DLG2: variants seen among roughly 807,000 people sequenced by gnomAD.
The protein encoded by DLG2 is discs large MAGUK scaffold protein 2.
In DLG2, 45 loss-of-function variants were observed where a neutral mutation model predicts 132.5. That is an observed-to-expected ratio of 0.34 (90% CI 0.27 to 0.44). DLG2 has a LOEUF of 0.44. Among genes scored for constraint, DLG2 ranks in the 20% least tolerant of loss-of-function variants. The probability of loss-of-function intolerance (pLI) is 1.00; values close to 1 mark genes in which losing one functional copy is unlikely to be tolerated. For synonymous variants in DLG2, 424 were observed against 419.6 expected, an observed-to-expected ratio of 1.01 and a Z score of -0.13; for missense variants, 1,045 against 1,196.9, an observed-to-expected ratio of 0.87 and a Z score of 1.87.
intron 6 of DLG2, among the ~76,000 whole-genome samples, chr11:85,015,872 T>G (rs2059536752): frequency 2.0e-5 from 3 of 152,166 alleles, no homozygotes; most frequent in Admixed American, 2.0e-4. Context: ...TGGTAACTTA[T>G]CTCATAGAAA....
intron 6 of DLG2, among the ~76,000 whole-genome samples, chr11:85,097,422 T>C (rs2070045298): frequency 6.6e-6 from 1 of 152,136 alleles, no homozygotes; most frequent in Non-Finnish European, 1.5e-5. Flanking sequence ...CTCAGTACCA[T>C]GCCTGGGACA....
chr11:83,984,943 C>T (rs957478290), intron 11 of DLG2, among the ~76,000 whole-genome samples: 1 of 152,104 alleles, frequency 6.6e-6, no homozygotes, highest in Non-Finnish European at 1.5e-5. Context: ...TTTTATCTAA[C>T]TGTATTTTTT....
chr11:84,556,043 C>T (rs1307099350), intron 6 of DLG2, among the ~76,000 whole-genome samples: 3 of 152,100 alleles, frequency 2.0e-5, no homozygotes, highest in Non-Finnish European at 4.4e-5. Flanking sequence ...TTTCTTTTGC[C>T]CACCCACACA....
In DLG2 at chr11:83,884,318, C is replaced by T. The variant is rs192980866; in HGVS notation, c.1497-9830G>A. 6.1e-4 allele frequency among the ~76,000 whole-genome samples: 93 copies of T among 152,316 alleles called. No homozygotes were observed. The East Asian group carries it at 7.5e-3, about 12-fold the overall frequency. ...CCCGCATCTGGCTCGGAGGGTCCTA[C>T]GCCCACAGAGTCTCACTGATTGCTA... On this transcript the variant is annotated intron_variant, in intron 15 of 27. Transcript: ENST00000376104.
At chr11:85,454,232 C>T (rs1367137673) in intron 3 of DLG2, among the ~76,000 whole-genome samples, 1 of 151,576 alleles carries the variant, frequency 6.6e-6, no homozygotes, top group Non-Finnish European at 1.5e-5. Context: ...TTAATAATGG[C>T]CAGTCTGACT....
At chr11:85,193,181 T>C (rs904604299) in intron 4 of DLG2, among the ~76,000 whole-genome samples, 3 of 152,248 alleles carry the variant, frequency 2.0e-5, no homozygotes, top group Admixed American at 1.3e-4. Context: ...ATATACTATA[T>C]GCACTGGCTT....
intron 3 of DLG2, among the ~76,000 whole-genome samples, chr11:85,584,583 TA>T (rs2078844980): frequency 6.6e-6 from 1 of 152,190 alleles, no homozygotes; most frequent in Non-Finnish European, 1.5e-5. Flanking sequence ...GAAATCTTCA[TA>T]CTGTTTTCCA....
chr11:84,587,675 G>T (rs79421564), intron 6 of DLG2, among the ~76,000 whole-genome samples: 7,688 of 152,014 alleles, frequency 0.051, 235 homozygotes, highest in South Asian at 0.079. Context: ...TCACTTAGTG[G>T]GCAGGTTTAT....
At chr11:83,897,500 T>G (rs2072111585) in intron 15 of DLG2, among the ~76,000 whole-genome samples, 1 of 152,262 alleles carries the variant, frequency 6.6e-6, no homozygotes, top group South Asian at 2.1e-4. Flanking sequence ...TTTTAAATGT[T>G]AAATTACTTG....
At chr11:85,359,741 C>T (rs952529170) in intron 3 of DLG2, among the ~76,000 whole-genome samples, 2 of 151,924 alleles carry the variant, frequency 1.3e-5, no homozygotes, top group African/African-American at 2.4e-5. Context: ...GGCGCAACAA[C>T]GTGAACAAAA....
In DLG2 at chr11:84,674,133, G is replaced by A. The variant is rs117868372; in HGVS notation, c.358-139402C>T. ...TAGTGAAAGCAACATAGTGATGAGT[G>A]TCCTTCTAAATTTGTCCATCTTTCT... On this transcript the variant is annotated intron_variant, in intron 6 of 27. Coordinates refer to ENST00000376104, the MANE Select transcript of DLG2 (RefSeq NM_001142699.3). Among the ~76,000 whole-genome samples, 909 of 152,232 alleles carry A rather than the reference G, an allele frequency of 6.0e-3. 4 individuals are homozygous for A. Among genetic ancestry groups the A allele is most frequent in the Non-Finnish European group, 0.01 (682 of 67,994 alleles).
chr11:83,709,251 A>G (rs12800295), intron 18 of DLG2, among the ~76,000 whole-genome samples: 1,865 of 135,582 alleles, frequency 0.014, 40 homozygotes, highest in African/African-American at 0.047. Context: ...GTGTGTGTGT[A>G]TATGTGTGTA....
chr11:84,777,266 T>C (rs1408851618), intron 6 of DLG2, among the ~76,000 whole-genome samples: 4 of 136,288 alleles, frequency 2.9e-5, no homozygotes, highest in Non-Finnish European at 4.6e-5. Context: ...TGTGTGTGTA[T>C]GTATATGTGT....
At chr11:84,537,094 C>T (rs1260979713) in intron 6 of DLG2, among the ~76,000 whole-genome samples, 1 of 151,914 alleles carries the variant, frequency 6.6e-6, no homozygotes, top group African/African-American at 2.4e-5. Flanking sequence ...GCTGAACCCC[C>T]ATTACTTCTG....
chr11:85,364,869 C>G (rs1448352510), intron 3 of DLG2, among the ~76,000 whole-genome samples: 1 of 151,734 alleles, frequency 6.6e-6, no homozygotes. Flanking sequence ...CCCTATCCTT[C>G]TGAGCTTTTT....
intron 6 of DLG2, among the ~76,000 whole-genome samples, chr11:85,077,146 C>T (rs766216524): frequency 1.4e-4 from 21 of 151,758 alleles, no homozygotes; most frequent in Non-Finnish European, 2.9e-4. Context: ...TTTTTGACTG[C>T]ATGAGTAAAA....
Position 83,456,440 on chromosome 11 carries a change from C to T in DLG2, c.*3378G>A, listed in dbSNP as rs891641673. The T allele has an allele frequency of 6.6e-6, 1 of 152,430 alleles. No homozygotes were observed. The highest frequency in any genetic ancestry group is 2.4e-5 in the African/African-American group (1 of 41,336). The allele number at this position is 152,430 out of a possible 1,614,324, so 9.4% of individuals were successfully genotyped here. On this transcript the variant is annotated 3_prime_UTR_variant, in exon 28 of 28. Coordinates refer to ENST00000376104, the MANE Select transcript of DLG2 (RefSeq NM_001142699.3). Reference sequence around the variant, plus strand: ...ACTTGCTGTCTGAATCAGCCATGAGCCCTTTAGAGGACAGAAAAATCAATA... The same window carrying T: ...ACTTGCTGTCTGAATCAGCCATGAGTCCTTTAGAGGACAGAAAAATCAATA...
At chr11:84,359,265 GTTGTT>G in intron 7 of DLG2, among the ~76,000 whole-genome samples, 1 of 151,886 alleles carries the variant, frequency 6.6e-6, no homozygotes, top group South Asian at 2.1e-4. Flanking sequence ...TCAATATGCT[GTTGTT>G]CTAATCTGTA....
intron 8 of DLG2, among the ~76,000 whole-genome samples, chr11:84,165,592 A>G (rs2095642770): frequency 6.6e-6 from 1 of 152,136 alleles, no homozygotes; most frequent in Non-Finnish European, 1.5e-5. Context: ...CAAGGTTGCA[A>G]TGTAACTTTG....
Sources: gnomAD v4.1 joint callset for allele counts (sites outside exome capture counted in the v4.1 genomes callset) on GRCh38, gnomAD v4.1.1 for gene constraint, MANE v1.5 for transcripts, NCBI Gene and HGNC (gene_info 2026-07-23, HGNC 2026-07-21) for gene names.